Variants in PCDH15 observed in about 807,000 individuals in gnomAD.
PCDH15 encodes the protein protocadherin related 15, also known as protocadherin-15.
Under a neutral mutation model 178.5 loss-of-function variants are expected in PCDH15, and 129 were observed. The ratio of observed to expected loss-of-function variants is 0.72; its 90% CI spans 0.63 to 0.84. The LOEUF (loss-of-function observed/expected upper bound fraction) is 0.84, where lower values mean the gene tolerates loss of function less well. Among genes scored for constraint, PCDH15 ranks in the 40% least tolerant of loss-of-function variants. The pLI is 0.00. For missense variants in PCDH15, 2,230 were observed against 2,099.9 expected (o/e 1.06, Z -1.21); for synonymous variants, 800 against 732.0 (o/e 1.09, Z -1.50).
At chr10:54,342,476 G>A (rs976014723) in intron 6 of PCDH15, among the ~76,000 whole-genome samples, 1 of 152,206 alleles carries the variant, frequency 6.6e-6, no homozygotes, top group African/African-American at 2.4e-5. Flanking sequence ...TTCAGAGGAT[G>A]TGTGAAAATG....
At chr10:54,441,623 A>G (rs2075794710) in intron 3 of PCDH15, among the ~76,000 whole-genome samples, 1 of 151,952 alleles carries the variant, frequency 6.6e-6, no homozygotes, top group African/African-American at 2.4e-5. Flanking sequence ...ATTGAGATAA[A>G]CTAAGTTAGA....
At chr10:54,314,242 TTTG>T (rs2061092800) in intron 8 of PCDH15, among the ~76,000 whole-genome samples, 1 of 152,050 alleles carries the variant, frequency 6.6e-6, no homozygotes, top group African/African-American at 2.4e-5. Context: ...TTTCAGCATA[TTTG>T]TTTTTTCACT....
At chr10:55,275,398 C>T (rs891847239) in intron 1 of PCDH15, among the ~76,000 whole-genome samples, 5 of 152,004 alleles carry the variant, frequency 3.3e-5, no homozygotes, top group African/African-American at 1.2e-4. Flanking sequence ...AGAAATTCTT[C>T]CCAATATCTC....
chr10:54,853,185 G>A (rs999746376), intron 3 of PCDH15, among the ~76,000 whole-genome samples: 6 of 149,858 alleles, frequency 4.0e-5, no homozygotes, highest in African/African-American at 1.5e-4. Flanking sequence ...ACTTAAACCT[G>A]GTTGGCGGAG....
intron 23 of PCDH15, among the ~76,000 whole-genome samples, chr10:53,947,351 A>G (rs116763224): frequency 0.015 from 2,299 of 152,248 alleles, 65 homozygotes; most frequent in African/African-American, 0.052. Context: ...AAGCCAGGCA[A>G]TTTAGGATAT....
chr10:55,388,612 A>G (rs1373567356), intron 2 of PCDH15, among the ~76,000 whole-genome samples: 1 of 152,100 alleles, frequency 6.6e-6, no homozygotes, highest in East Asian at 1.9e-4. Flanking sequence ...CTATATGTAC[A>G]ATTACAGGGA....
At position 54,285,348 on chromosome 10, in the gene PCDH15, A is replaced by G. The variant is rs1201199881; in HGVS notation, c.876+31923T>C. On this transcript the variant is annotated intron_variant, in intron 8 of 37. Coordinates refer to ENST00000644397, the MANE Select transcript of PCDH15 (RefSeq NM_001384140.1). The stretch of plus-strand genomic sequence containing the variant: ...TATCAGATAAGATATTAATATCCAA[A>G]ATATATAAGGAACTCAAACAACTCA... 4.6e-5 allele frequency among the ~76,000 whole-genome samples: 7 copies of G among 152,306 alleles called. No homozygotes were observed. In the East Asian group the frequency reaches 1.3e-3, roughly 29 times the overall value.
intron 1 of PCDH15, among the ~76,000 whole-genome samples, chr10:54,691,982 A>C (rs2095130387): frequency 6.6e-6 from 1 of 152,186 alleles, no homozygotes; most frequent in South Asian, 2.1e-4. Context: ...TATATATCCA[A>C]ATTTATATAA....
At chr10:55,596,667 T>A (rs1378362084) in intron 2 of PCDH15, among the ~76,000 whole-genome samples, 1 of 152,206 alleles carries the variant, frequency 6.6e-6, no homozygotes. Context: ...CCATTTAATG[T>A]ATTTTAATGT....
intron 13 of PCDH15, among the ~76,000 whole-genome samples, chr10:54,160,895 T>C (rs1240694204): frequency 6.6e-6 from 1 of 152,162 alleles, no homozygotes; most frequent in Non-Finnish European, 1.5e-5. Flanking sequence ...GAACTGACAA[T>C]ACTATCAGAG....
intron 5 of PCDH15, among the ~76,000 whole-genome samples, chr10:54,364,323 T>C (rs886200957): frequency 1.3e-5 from 2 of 152,124 alleles, no homozygotes; most frequent in Admixed American, 6.6e-5. Flanking sequence ...AATAATGCCA[T>C]TTGTAAGTAT....
chr10:54,925,516 AT>A (rs1471566767), intron 2 of PCDH15, among the ~76,000 whole-genome samples: 1 of 152,114 alleles, frequency 6.6e-6, no homozygotes, highest in East Asian at 1.9e-4. Context: ...ATAGCATTGC[AT>A]TTACAAATTG....
rs76891233 is a variant in PCDH15, at chr10:54,816,853, T to C, written c.-29+80597A>G. ...CAAGTCACTATCTAATGGTATGAAA[T>C]ACAACAGTTTTGAGCTACATTGACC... On this transcript the variant is annotated intron_variant, in intron 3 of 5. Transcript: ENST00000458638. 4.2e-3 allele frequency among the ~76,000 whole-genome samples: 635 copies of C among 152,166 alleles called. 2 individuals are homozygous for C. The highest frequency in any genetic ancestry group is 0.014 in the African/African-American group (590 of 41,568).
At chr10:55,206,283 A>T (rs970656672) in intron 1 of PCDH15, among the ~76,000 whole-genome samples, 7 of 152,100 alleles carry the variant, frequency 4.6e-5, no homozygotes, top group African/African-American at 1.7e-4. Context: ...AAATCTGGAA[A>T]ACTTAAAAAT....
chr10:54,018,424 T>C (rs926899099), intron 20 of PCDH15, among the ~76,000 whole-genome samples: 1 of 152,064 alleles, frequency 6.6e-6, no homozygotes, highest in Non-Finnish European at 1.5e-5. Flanking sequence ...TTATCATAGG[T>C]AAATTCTGCT....
intron 1 of PCDH15, among the ~76,000 whole-genome samples, chr10:55,318,402 G>T (rs1295437173): frequency 2.0e-5 from 3 of 152,024 alleles, no homozygotes; most frequent in African/African-American, 7.2e-5. Flanking sequence ...GATTCATAAT[G>T]AAAATATAGT....
intron 13 of PCDH15, among the ~76,000 whole-genome samples, chr10:54,165,995 C>T (rs1217784237): frequency 6.6e-6 from 1 of 152,166 alleles, no homozygotes; most frequent in Non-Finnish European, 1.5e-5. Flanking sequence ...AAAAGCCTGT[C>T]ATGACAAAGG....
At chr10:55,470,076 T>A (rs1457814989) in intron 2 of PCDH15, among the ~76,000 whole-genome samples, 1 of 152,146 alleles carries the variant, frequency 6.6e-6, no homozygotes, top group African/African-American at 2.4e-5. Context: ...ATTTGGTAGA[T>A]GCAGTGTCTC....
At chr10:55,148,324 G>GTT (rs1838589951) in intron 2 of PCDH15, among the ~76,000 whole-genome samples, 1 of 151,856 alleles carries the variant, frequency 6.6e-6, no homozygotes, top group African/African-American at 2.4e-5. Context: ...AACTGGCCCA[G>GTT]AAGATAGTAA....
Sources: gnomAD v4.1 joint callset for allele counts (sites outside exome capture counted in the v4.1 genomes callset) on GRCh38, gnomAD v4.1.1 for gene constraint, MANE v1.5 for transcripts, NCBI Gene and HGNC (gene_info 2026-07-23, HGNC 2026-07-21) for gene names.